The following EPHA6 variants were observed in gnomAD, a reference collection of about 807,000 sequenced individuals.
The protein encoded by EPHA6 is EPH receptor A6, also known as ephrin type-A receptor 6.
EPHA6 carries 50 observed loss-of-function variants against 112.0 expected under a neutral mutation model. The observed-to-expected ratio is 0.45, with a 90% CI of 0.36 to 0.56. EPHA6 has a LOEUF of 0.56. Among genes scored for constraint, EPHA6 ranks in the 20% least tolerant of loss-of-function variants. The pLI is 0.00. For missense variants in EPHA6, 1,280 were observed against 1,417.4 expected, an observed-to-expected ratio of 0.90 and a Z score of 1.56; for synonymous variants, 529 against 490.7, an observed-to-expected ratio of 1.08 and a Z score of -1.03.
At chr3:97,039,511 T>C (rs910095180) in intron 3 of EPHA6, among the ~76,000 whole-genome samples, 5 of 151,764 alleles carry the variant, frequency 3.3e-5, no homozygotes, top group African/African-American at 1.2e-4. Context: ...GTAGAAGAGA[T>C]ATAGTTAGTT....
chr3:97,400,514 G>A (rs2086933277), intron 5 of EPHA6, among the ~76,000 whole-genome samples: 1 of 151,580 alleles, frequency 6.6e-6, no homozygotes, highest in African/African-American at 2.4e-5. Flanking sequence ...ATTGCTTTGG[G>A]TGGTATGGTG....
chr3:96,912,632 G>A (rs1332981449), intron 2 of EPHA6, among the ~76,000 whole-genome samples: 1 of 152,116 alleles, frequency 6.6e-6, no homozygotes, highest in African/African-American at 2.4e-5. Flanking sequence ...CTGTCGTTCA[G>A]GCTGGAATAG....
intron 3 of EPHA6, among the ~76,000 whole-genome samples, chr3:97,076,690 C>T (rs2046537677): frequency 1.3e-5 from 2 of 152,110 alleles, no homozygotes; most frequent in Admixed American, 1.3e-4. Flanking sequence ...GAAGTCAATG[C>T]CTGACTTTGA....
chr3:96,981,731 A>G (rs2042794539), intron 2 of EPHA6, among the ~76,000 whole-genome samples: 2 of 151,638 alleles, frequency 1.3e-5, no homozygotes, highest in South Asian at 4.2e-4. Flanking sequence ...TCAATTTCAG[A>G]GCTTGTTGTT....
At chr3:97,233,960 G>A (rs1041391963) in intron 4 of EPHA6, among the ~76,000 whole-genome samples, 6 of 151,978 alleles carry the variant, frequency 3.9e-5, no homozygotes, top group East Asian at 3.9e-4. Context: ...TAAGAAGCCC[G>A]GTTCCTTAGT....
intron 11 of EPHA6, among the ~76,000 whole-genome samples, chr3:97,567,824 G>C (rs182078514): frequency 2.0e-5 from 3 of 152,264 alleles, no homozygotes; most frequent in Non-Finnish European, 2.9e-5. Context: ...AGCTATGCAA[G>C]GCCTCCTGGG....
At chr3:97,139,180 GCA>G (rs1341624257) in intron 3 of EPHA6, among the ~76,000 whole-genome samples, 3 of 152,238 alleles carry the variant, frequency 2.0e-5, no homozygotes, top group African/African-American at 7.2e-5. Context: ...ACCTCAGAGA[GCA>G]CCAGGGCCCT....
intron 2 of EPHA6, among the ~76,000 whole-genome samples, chr3:96,946,660 A>C (rs1476378316): frequency 5.3e-5 from 8 of 152,116 alleles, no homozygotes; most frequent in Non-Finnish European, 8.8e-5. Flanking sequence ...TTTATAGCAG[A>C]ATGATTTATA....
chr3:96,863,024 A>G (rs997449239), intron 1 of EPHA6, among the ~76,000 whole-genome samples: 2 of 152,030 alleles, frequency 1.3e-5, no homozygotes, highest in Non-Finnish European at 2.9e-5. Flanking sequence ...TCTATGCATT[A>G]TGTTGCTTAC....
chr3:97,707,429 G>A (rs1289934907), intron 14 of EPHA6, among the ~76,000 whole-genome samples: 1 of 152,190 alleles, frequency 6.6e-6, no homozygotes, highest in Non-Finnish European at 1.5e-5. Flanking sequence ...GAGGCAGACA[G>A]TAAGTGTTAT....
chr3:97,299,963 T>C (rs1523772), intron 5 of EPHA6, among the ~76,000 whole-genome samples: 3,267 of 152,252 alleles, frequency 0.021, 88 homozygotes, highest in African/African-American at 0.067. Context: ...TGCCACCTGT[T>C]TCATTCTTAT....
At chr3:97,068,314 C>T (rs746280985) in intron 3 of EPHA6, among the ~76,000 whole-genome samples, 2 of 151,786 alleles carry the variant, frequency 1.3e-5, no homozygotes, top group Admixed American at 6.6e-5. Flanking sequence ...AAGTAAACGA[C>T]GGAACAAGGA....
intron 5 of EPHA6, among the ~76,000 whole-genome samples, chr3:97,352,485 G>C (rs2083862079): frequency 6.6e-6 from 1 of 152,144 alleles, no homozygotes. Flanking sequence ...TGTGTGCTTG[G>C]AGGAGAGAGA....
chr3:97,493,977 T>C (rs2091915450), intron 10 of EPHA6, among the ~76,000 whole-genome samples: 1 of 152,202 alleles, frequency 6.6e-6, no homozygotes, highest in Non-Finnish European at 1.5e-5. Context: ...TGATTGCTGT[T>C]AAGACTATAA....
At chr3:97,087,732 T>A (rs79472513) in intron 3 of EPHA6, among the ~76,000 whole-genome samples, 13,070 of 152,216 alleles carry the variant, frequency 0.086, 895 homozygotes, top group Admixed American at 0.21. Context: ...CTCTGTCCAT[T>A]CCTGAGACCA....
At chr3:97,292,747 G>T (rs999300717) in intron 5 of EPHA6, among the ~76,000 whole-genome samples, 1 of 151,202 alleles carries the variant, frequency 6.6e-6, no homozygotes, top group Non-Finnish European at 1.5e-5. Context: ...TCATCTGGGT[G>T]AGCATCCAGC....
intron 6 of EPHA6, chr3:97,447,723 C>A (rs922667992): frequency 2.0e-6 from 2 of 1,009,798 alleles, no homozygotes; most frequent in Non-Finnish European, 2.4e-6. Flanking sequence ...TCTAGATCAT[C>A]CAGAATGCCC....
intron 3 of EPHA6, among the ~76,000 whole-genome samples, chr3:97,079,899 G>A (rs2046666578): frequency 7.0e-6 from 1 of 142,394 alleles, no homozygotes; most frequent in Non-Finnish European, 1.5e-5. Context: ...ATGATTGTTA[G>A]GTTTTTTTTT....
intron 11 of EPHA6, among the ~76,000 whole-genome samples, chr3:97,539,977 C>T (rs2092825637): frequency 6.6e-6 from 1 of 151,990 alleles, no homozygotes; most frequent in Admixed American, 6.6e-5. Context: ...GCTGCTGCCC[C>T]AAAAAGCACT....
Sources: gnomAD v4.1 joint callset for allele counts (sites outside exome capture counted in the v4.1 genomes callset) on GRCh38, gnomAD v4.1.1 for gene constraint, MANE v1.5 for transcripts, NCBI Gene and HGNC (gene_info 2026-07-23, HGNC 2026-07-21) for gene names.